Variants in DOCK8 observed in about 807,000 individuals in gnomAD.
DOCK8 encodes the protein dedicator of cytokinesis 8, also known as dedicator of cytokinesis protein 8.
In DOCK8, 141 loss-of-function variants were observed where a neutral mutation model predicts 245.6. The observed-to-expected ratio is 0.57, with a 90% CI of 0.50 to 0.66. The LOEUF is 0.66. Ranked by LOEUF, DOCK8 falls within the 30% of genes least tolerant of loss-of-function variation. The pLI, the probability that DOCK8 is intolerant of heterozygous loss-of-function variation, is 0.00. For missense variants in DOCK8, 2,965 were observed against 2,603.4 expected (o/e 1.14, Z -3.02); for synonymous variants, 1,168 against 970.2 (o/e 1.20, Z -3.79).
At chr9:279,446 A>G (rs1337269643) in intron 2 of DOCK8, among the ~76,000 whole-genome samples, 1 of 152,170 alleles carries the variant, frequency 6.6e-6, no homozygotes, top group Admixed American at 6.5e-5. Flanking sequence ...AGAGATTTAG[A>G]ATTGAACTCC....
chr9:279,410 C>A (rs778934328), intron 2 of DOCK8, among the ~76,000 whole-genome samples: 3 of 152,124 alleles, frequency 2.0e-5, no homozygotes, highest in Non-Finnish European at 2.9e-5. Flanking sequence ...TGAATGAGTT[C>A]ATTTGAGATT....
chr9:428,983 T>TA (rs201109986), intron 35 of DOCK8, among the ~76,000 whole-genome samples: 4 of 152,372 alleles, frequency 2.6e-5, no homozygotes, highest in African/African-American at 9.6e-5. Flanking sequence ...TTTATTTATT[T>TA]TTGAGACTGA....
chr9:300,460 A>G (rs755477556), intron 4 of DOCK8, among the ~76,000 whole-genome samples: 4 of 152,026 alleles, frequency 2.6e-5, no homozygotes, highest in Non-Finnish European at 4.4e-5. Flanking sequence ...TAGCAAACCA[A>G]CTCCAAAGCC....
chr9:222,276 A>G lies in DOCK8; in HGVS notation c.53+7247A>G, dbSNP rs151256977. On this transcript the variant is annotated intron_variant, in intron 1 of 47. Coordinates refer to ENST00000432829, the MANE Select transcript of DOCK8 (RefSeq NM_203447.4). Reference sequence around the variant, plus strand: ...AAACCCTGTCTCAAAAAAAAAACACAAAAAACCAAAAGAGATAGGTTCTGA... The same window carrying G: ...AAACCCTGTCTCAAAAAAAAAACACGAAAAACCAAAAGAGATAGGTTCTGA... Among the ~76,000 whole-genome samples, 42 of 152,162 alleles carry G rather than the reference A, an allele frequency of 2.8e-4. 1 individual carries two copies. Among genetic ancestry groups the G allele is most frequent in the African/African-American group, 9.9e-4 (41 of 41,490 alleles).
chr9:231,656 A>G (rs2047120671), intron 1 of DOCK8, among the ~76,000 whole-genome samples: 1 of 152,072 alleles, frequency 6.6e-6, no homozygotes, highest in Admixed American at 6.6e-5. Flanking sequence ...TTCTCTTTGA[A>G]GCAATTGTGA....
intron 7 of DOCK8, among the ~76,000 whole-genome samples, chr9:317,741 A>C (rs886095724): frequency 6.6e-6 from 1 of 152,228 alleles, no homozygotes; most frequent in Non-Finnish European, 1.5e-5. Context: ...GACTCTTGCC[A>C]TCCAAATAAA....
At chr9:240,578 A>T (rs589269) in intron 1 of DOCK8, among the ~76,000 whole-genome samples, 32,470 of 152,086 alleles carry the variant, frequency 0.21, 4,321 homozygotes, top group East Asian at 0.38. Flanking sequence ...TTAATGTATT[A>T]TGGACAATTT....
upstream of DOCK8, chr9:212,790 G>T (rs903556771): frequency 1.3e-5 from 2 of 152,156 alleles, no homozygotes; most frequent in East Asian, 1.9e-4. Context: ...CACCCAAAAA[G>T]TTTCCTTGAT....
intron 6 of DOCK8, chr9:312,708 C>A (rs532518960): frequency 5.8e-6 from 2 of 341,948 alleles, no homozygotes; most frequent in Non-Finnish European, 1.1e-5. Flanking sequence ...TTTATTGGAG[C>A]TGACTGACAA....
intron 28 of DOCK8, among the ~76,000 whole-genome samples, chr9:411,708 G>C (rs2055739916): frequency 1.3e-5 from 2 of 152,036 alleles, no homozygotes; most frequent in Non-Finnish European, 2.9e-5. Flanking sequence ...CTAGCAAACT[G>C]AATCCAACAG....
At chr9:396,988 C>G in intron 25 of DOCK8, 54 bp downstream of exon 25, 1 of 1,537,434 alleles carries the variant, frequency 6.5e-7, no homozygotes, top group Non-Finnish European at 9.0e-7. Flanking sequence ...ACATATATTA[C>G]TTTCATAATC....
chr9:310,544 C>T (rs557593702), intron 5 of DOCK8, among the ~76,000 whole-genome samples: 14 of 152,248 alleles, frequency 9.2e-5, no homozygotes, highest in Admixed American at 2.0e-4. Flanking sequence ...TTACAACCTC[C>T]ACCTCCCGGG....
chr9:433,997 A>G (rs1404721024), intron 38 of DOCK8, 22 bp downstream of exon 38: 2 of 1,549,748 alleles, frequency 1.3e-6, no homozygotes, highest in African/African-American at 1.4e-5. Flanking sequence ...TGACACACTC[A>G]AGGGACACCA....
intron 1 of DOCK8, among the ~76,000 whole-genome samples, chr9:218,417 G>A (rs559554937): frequency 1.3e-5 from 2 of 152,158 alleles, no homozygotes; most frequent in Non-Finnish European, 2.9e-5. Flanking sequence ...TAATTTTCTT[G>A]TAAGTGCTAT....
rs767759569 is a variant in DOCK8, at chr9:312,785, C to A, written c.741+619C>A. 1.9e-5 allele frequency: 6 copies of A among 308,340 alleles called. No individual in the cohort carries two copies. In the Admixed American group the frequency reaches 2.0e-4, roughly 10 times the overall value. 19.1% of individuals were successfully genotyped at this position (308,340 alleles called of 1,614,324 possible). The stretch of plus-strand genomic sequence containing the variant: ...GCACTTTGGATGAAATGAGAGGTGA[C>A]GATTATTCAAGCCTTTTGTCTGTTT... On this transcript the variant is annotated intron_variant, in intron 6 of 47. Transcript: ENST00000432829.
chr9:434,363 A>T (rs2056821595), intron 38 of DOCK8, among the ~76,000 whole-genome samples: 1 of 152,198 alleles, frequency 6.6e-6, no homozygotes, highest in Admixed American at 6.5e-5. Context: ...GTAGTTTAAA[A>T]GTTGGTCTTC....
At chr9:274,606 C>G (rs16926817) in intron 2 of DOCK8, among the ~76,000 whole-genome samples, 4,821 of 151,570 alleles carry the variant, frequency 0.032, 236 homozygotes, top group African/African-American at 0.11. Context: ...GTCATCGTCC[C>G]GAATGAAGGT....
At chr9:315,539 G>C (rs988608355) in intron 6 of DOCK8, among the ~76,000 whole-genome samples, 6 of 152,280 alleles carry the variant, frequency 3.9e-5, no homozygotes, top group Admixed American at 2.6e-4. Flanking sequence ...TTAATTTTTA[G>C]GCATAATGGT....
At chr9:246,858 C>G (rs1249066080) in intron 1 of DOCK8, among the ~76,000 whole-genome samples, 3 of 152,064 alleles carry the variant, frequency 2.0e-5, no homozygotes, top group Non-Finnish European at 2.9e-5. Context: ...TCAACTGATC[C>G]TCCTTTCTCA....
Sources: allele counts gnomAD v4.1 joint callset (sites outside exome capture counted in the v4.1 genomes callset), GRCh38; gene constraint gnomAD v4.1.1; transcripts MANE v1.5; gene names NCBI Gene and HGNC (gene_info 2026-07-23, HGNC 2026-07-21).